The following CACNB2 variants were observed in gnomAD, a reference collection of about 807,000 sequenced individuals.
CACNB2 encodes voltage-dependent L-type calcium channel subunit beta-2.
Under a neutral mutation model 73.3 loss-of-function variants are expected in CACNB2, and 42 were observed. The observed-to-expected ratio is 0.57, with a 90% CI of 0.45 to 0.74. The LOEUF is 0.74. Among genes scored for constraint, CACNB2 ranks in the 30% least tolerant of loss-of-function variants. The probability of loss-of-function intolerance (pLI) is 0.00; values close to 1 mark genes in which losing one functional copy is unlikely to be tolerated. For synonymous variants in CACNB2, 348 were observed against 310.3 expected (o/e 1.12, Z -1.28); for missense variants, 940 against 853.0 (o/e 1.10, Z -1.27).
intron 2 of CACNB2, among the ~76,000 whole-genome samples, chr10:18,239,178 A>G (rs548287167): frequency 1.3e-5 from 2 of 152,182 alleles, no homozygotes; most frequent in South Asian, 4.2e-4. Context: ...TTTTATTTTT[A>G]TATATTTAGC....
intron 2 of CACNB2, among the ~76,000 whole-genome samples, chr10:18,183,848 A>T (rs530704495): frequency 6.6e-6 from 1 of 152,300 alleles, no homozygotes; most frequent in Admixed American, 6.5e-5. Flanking sequence ...TAGTACAGGT[A>T]GTTCACCGAA....
At chr10:18,354,175 T>C (rs887882046) in intron 2 of CACNB2, among the ~76,000 whole-genome samples, 1 of 152,218 alleles carries the variant, frequency 6.6e-6, no homozygotes, top group African/African-American at 2.4e-5. Context: ...ACCTCAAGGC[T>C]CAAATATAAT....
At chr10:18,235,889 A>C (rs2036422364) in intron 2 of CACNB2, among the ~76,000 whole-genome samples, 1 of 152,162 alleles carries the variant, frequency 6.6e-6, no homozygotes, top group Non-Finnish European at 1.5e-5. Flanking sequence ...TCGTAGGGGC[A>C]GATTTCCCCC....
chr10:18,533,245 C>CTATT (rs1180314671), intron 10 of CACNB2: 3 of 152,144 alleles, frequency 2.0e-5, no homozygotes, highest in East Asian at 3.8e-4. Context: ...TAGCTTCTGC[C>CTATT]TATTTATTAA....
chr10:18,228,961 C>T lies in CACNB2; in HGVS notation c.213+77986C>T, dbSNP rs948074505. 3.3e-5 allele frequency among the ~76,000 whole-genome samples: 5 copies of T among 152,096 alleles called. No homozygotes were observed. In the East Asian group the frequency reaches 7.7e-4, roughly 24 times the overall value. ...TTCACCACGTGGGCCAAGCTGGTCTCGAACTCCTGACCTCAAGTGATCCAC... is the reference window on the plus strand; with the variant it reads ...TTCACCACGTGGGCCAAGCTGGTCTTGAACTCCTGACCTCAAGTGATCCAC... On this transcript the variant is annotated intron_variant, in intron 2 of 13. Transcript: ENST00000324631.
intron 2 of CACNB2, among the ~76,000 whole-genome samples, chr10:18,246,637 G>A (rs1007341010): frequency 2.0e-5 from 3 of 152,154 alleles, no homozygotes; most frequent in Non-Finnish European, 2.9e-5. Context: ...CTGGAGTGCA[G>A]TGGTGCGATC....
At chr10:18,389,901 C>T (rs569239692) in intron 2 of CACNB2, among the ~76,000 whole-genome samples, 2 of 152,210 alleles carry the variant, frequency 1.3e-5, no homozygotes, top group East Asian at 3.9e-4. Flanking sequence ...TTGATTTTTT[C>T]GTGAATTTTC....
chr10:18,298,009 C>A lies in CACNB2; in HGVS notation c.214-103915C>A, dbSNP rs544701697. 2.0e-5 allele frequency among the ~76,000 whole-genome samples: 3 copies of A among 152,276 alleles called. No individual in the cohort carries two copies. In the East Asian group the frequency reaches 5.8e-4, roughly 29 times the overall value. ...TACTAAGTGTCTTGCTGAACTTTTGCTTTTTCTATGTGGGTGAAGGTAAAA... is the reference window on the plus strand; with the variant it reads ...TACTAAGTGTCTTGCTGAACTTTTGATTTTTCTATGTGGGTGAAGGTAAAA... On this transcript the variant is annotated intron_variant, in intron 2 of 13. Transcript: ENST00000324631.
At position 18,514,264 on chromosome 10, in the gene CACNB2, T is replaced by C. The variant is rs886046883; in HGVS notation, c.699T>C (p.Asp233=). 5.6e-6 allele frequency: 9 copies of C among 1,614,180 alleles called. No individual in the cohort carries two copies. Among genetic ancestry groups the C allele is most frequent in the Non-Finnish European group, 6.8e-6 (8 of 1,180,016 alleles). Residue 233 remains aspartate, a synonymous_variant, in exon 7 of 14, where the codon GAT becomes GAC. Transcript: ENST00000324631. The part of the protein sequence containing the change: ...SAIDIDATGL[D]AEENDIPANH... ...TAGACATAGATGCTACTGGCTTAGATGCAGAAGAAAATGATATTCCAGCAA... is the reference window on the plus strand; with the variant it reads ...TAGACATAGATGCTACTGGCTTAGACGCAGAAGAAAATGATATTCCAGCAA...
chr10:18,249,251 A>G (rs541289018), intron 2 of CACNB2, among the ~76,000 whole-genome samples: 22 of 152,216 alleles, frequency 1.4e-4, no homozygotes, highest in Non-Finnish European at 2.4e-4. Flanking sequence ...CTAAGAGTCT[A>G]TCTGAGCCAA....
intron 10 of CACNB2, among the ~76,000 whole-genome samples, chr10:18,530,888 G>A (rs565643396): frequency 4.1e-4 from 63 of 152,266 alleles, no homozygotes; most frequent in East Asian, 2.3e-3. Context: ...TCTATGAAGC[G>A]ATGACGCTTC....
chr10:18,464,580 C>T (rs1177083494), intron 3 of CACNB2, among the ~76,000 whole-genome samples: 1 of 152,084 alleles, frequency 6.6e-6, no homozygotes, highest in Non-Finnish European at 1.5e-5. Context: ...CCAACATGTT[C>T]TTCTCTCAGG....
intron 3 of CACNB2, among the ~76,000 whole-genome samples, chr10:18,484,447 A>C (rs1020851187): frequency 3.3e-5 from 5 of 152,106 alleles, no homozygotes; most frequent in Non-Finnish European, 7.4e-5. Context: ...AAGAAATGGG[A>C]GAGCTAAGTG....
chr10:18,265,007 C>T (rs563168256), intron 2 of CACNB2, among the ~76,000 whole-genome samples: 1 of 152,150 alleles, frequency 6.6e-6, no homozygotes, highest in Non-Finnish European at 1.5e-5. Flanking sequence ...GTGCCTCCCC[C>T]CTACACCTAG....
rs2053587888 is a variant in CACNB2, at chr10:18,536,275, G to GTTTTTTTTTTTTTTTTTTTTTTTTTT, written c.1302+79_1302+80insTTTTTTTTTTTTTTTTTTTTTTTTTT. ...TTTTTTTTTTTTTTTTTTTTTTTTGGGGGACAAGGTCTTGCTCTGTTGCCC... is the reference window on the plus strand; with the variant it reads ...TTTTTTTTTTTTTTTTTTTTTTTTGGTTTTTTTTTTTTTTTTTTTTTTTTTTGGGACAAGGTCTTGCTCTGTTGCCC... On this transcript the variant is annotated intron_variant, in intron 12 of 13. Coordinates refer to ENST00000324631, the MANE Select transcript of CACNB2 (RefSeq NM_201596.3). 60 of 92,510 alleles carry GTTTTTTTTTTTTTTTTTTTTTTTTTT rather than the reference G, an allele frequency of 6.5e-4. 13 individuals are homozygous for GTTTTTTTTTTTTTTTTTTTTTTTTTT. Among genetic ancestry groups the GTTTTTTTTTTTTTTTTTTTTTTTTTT allele is most frequent in the East Asian group, 3.1e-3 (7 of 2,230 alleles). The allele number at this position is 92,510 out of a possible 1,614,324, so 5.7% of individuals were successfully genotyped here.
At chr10:18,320,249 G>A (rs567684672) in intron 2 of CACNB2, among the ~76,000 whole-genome samples, 9 of 152,304 alleles carry the variant, frequency 5.9e-5, no homozygotes, top group Non-Finnish European at 1.3e-4. Flanking sequence ...CAGATTGGAA[G>A]CTGTTTGAGC....
At chr10:18,168,391 T>C (rs1057052476) in intron 2 of CACNB2, among the ~76,000 whole-genome samples, 2 of 152,062 alleles carry the variant, frequency 1.3e-5, no homozygotes, top group South Asian at 2.1e-4. Flanking sequence ...TAAGTAATTT[T>C]CCCCCCAAAA....
intron 2 of CACNB2, among the ~76,000 whole-genome samples, chr10:18,173,687 G>C (rs953465056): frequency 6.6e-6 from 1 of 152,172 alleles, no homozygotes; most frequent in Non-Finnish European, 1.5e-5. Context: ...TCTGAATATA[G>C]AGAGACATTT....
At chr10:18,291,111 C>T (rs1188136926) in intron 2 of CACNB2, among the ~76,000 whole-genome samples, 4 of 152,212 alleles carry the variant, frequency 2.6e-5, no homozygotes, top group African/African-American at 9.6e-5. Context: ...CGATAACCTA[C>T]GTCGTGAGGC....
Sources: allele counts gnomAD v4.1 joint callset (sites outside exome capture counted in the v4.1 genomes callset), GRCh38; gene constraint gnomAD v4.1.1; transcripts MANE v1.5; gene names NCBI Gene and HGNC (gene_info 2026-07-23, HGNC 2026-07-21).